USPL1: variants seen among roughly 807,000 people sequenced by gnomAD.
USPL1 encodes ubiquitin specific peptidase like 1.
In USPL1, 27 loss-of-function variants were observed where a neutral mutation model predicts 51.5. That is an observed-to-expected ratio of 0.52 (90% CI 0.39 to 0.72). The LOEUF is 0.72. USPL1 is among the 30% of genes least tolerant of loss of function. The pLI, the probability that USPL1 is intolerant of heterozygous loss-of-function variation, is 0.00. For synonymous variants in USPL1, 451 were observed against 459.6 expected (o/e 0.98, Z 0.24); for missense variants, 1,226 against 1,268.0 (o/e 0.97, Z 0.50).
intron 2 of USPL1, among the ~76,000 whole-genome samples, 177 bp from the exon 3 acceptor site, chr13:30,621,587 A>C (rs1950647451): frequency 6.6e-6 from 1 of 152,110 alleles, no homozygotes; most frequent in Non-Finnish European, 1.5e-5. Flanking sequence ...TTTTTGGAAT[A>C]ATAGCTGTAT....
At chr13:30,633,678 C>T (rs1304939728) in intron 4 of USPL1, among the ~76,000 whole-genome samples, 1 of 148,898 alleles carries the variant, frequency 6.7e-6, no homozygotes, top group South Asian at 2.1e-4. Context: ...GAGGTTGAGG[C>T]AGGAGAATTG....
At position 30,642,586 on chromosome 13, in the gene USPL1, A is replaced by G. The variant is rs757658894; in HGVS notation, c.983-42A>G. 2.0e-5 allele frequency: 31 copies of G among 1,586,116 alleles called. No homozygotes were observed. The South Asian group carries it at 3.0e-4, about 15-fold the overall frequency. Reference sequence around the variant, plus strand: ...TCACAATTTTGGTTTAGTTTTTGCCATTATTGATTATGAGCAGTAATTCTT... The same window carrying G: ...TCACAATTTTGGTTTAGTTTTTGCCGTTATTGATTATGAGCAGTAATTCTT... On this transcript the variant is annotated intron_variant, in intron 5 of 8. Coordinates refer to ENST00000255304, the MANE Select transcript of USPL1 (RefSeq NM_005800.5).
intron 6 of USPL1, among the ~76,000 whole-genome samples, chr13:30,645,100 A>G (rs1171059625): frequency 6.6e-6 from 1 of 152,234 alleles, no homozygotes; most frequent in East Asian, 1.9e-4. Flanking sequence ...GTCAGGAGAC[A>G]CACTTAGGCT....
chr13:30,635,709 T>C (rs912892681), intron 4 of USPL1, among the ~76,000 whole-genome samples: 1 of 152,174 alleles, frequency 6.6e-6, no homozygotes, highest in African/African-American at 2.4e-5. Context: ...GTGCTAAAAA[T>C]TTTGAGTTTG....
chr13:30,642,476 C>G (rs1015505637), intron 5 of USPL1, 152 bp from the exon 6 acceptor site: 3 of 792,304 alleles, frequency 3.8e-6, no homozygotes, highest in Non-Finnish European at 5.5e-6. Context: ...TATAAACTTC[C>G]CCTCTCCCAA....
intron 8 of USPL1, among the ~76,000 whole-genome samples, chr13:30,653,941 T>C (rs1951125530): frequency 6.6e-6 from 1 of 152,176 alleles, no homozygotes; most frequent in South Asian, 2.1e-4. Context: ...TTTTCTGTTA[T>C]TTAGACACTC....
In USPL1 at chr13:30,659,352, AT is replaced by A; in HGVS notation, c.3277del (p.Ter1093GlufsTer24). The A allele has an allele frequency of 1.9e-6, 3 of 1,577,046 alleles. No homozygotes were observed. The highest frequency in any genetic ancestry group is 2.6e-6 in the Non-Finnish European group (3 of 1,164,594). On this transcript the variant is annotated frameshift_variant, in exon 9 of 9. Transcript: ENST00000255304. LOFTEE classifies it high-confidence loss of function. ...TTCGATGAATATCTGTTTGAGAATT[AT>A]TGAATTAATGCTTGTTAACTTTTTT... The part of the protein sequence containing the change: ...PHFDEYLFEN[Y>X]
intron 6 of USPL1, among the ~76,000 whole-genome samples, chr13:30,643,760 C>T (rs1223788230): frequency 6.6e-6 from 1 of 151,674 alleles, no homozygotes; most frequent in Non-Finnish European, 1.5e-5. Context: ...CAGGTGTGTG[C>T]CACCACGCCC....
intron 4 of USPL1, among the ~76,000 whole-genome samples, chr13:30,633,449 A>G (rs1054937743): frequency 7.9e-5 from 12 of 152,122 alleles, no homozygotes; most frequent in African/African-American, 2.2e-4. Flanking sequence ...CTATACATAC[A>G]TAATTATGAT....
At chr13:30,651,451 AGACTT>A (rs1425917620) in intron 7 of USPL1, among the ~76,000 whole-genome samples, 1 of 152,200 alleles carries the variant, frequency 6.6e-6, no homozygotes, top group Non-Finnish European at 1.5e-5. Flanking sequence ...AAAGAATAGA[AGACTT>A]GGAATGTACA....
At chr13:30,655,486 G>A (rs1022504657) in intron 8 of USPL1, among the ~76,000 whole-genome samples, 2 of 152,118 alleles carry the variant, frequency 1.3e-5, no homozygotes, top group African/African-American at 4.8e-5. Context: ...GAAGTCTGGT[G>A]GCAAGTACCC....
intron 8 of USPL1, among the ~76,000 whole-genome samples, chr13:30,655,847 G>C (rs2137722915): frequency 6.6e-6 from 1 of 152,328 alleles, no homozygotes; most frequent in South Asian, 2.1e-4. Flanking sequence ...GATGGTGTTT[G>C]ACATCGTGAT....
intron 5 of USPL1, among the ~76,000 whole-genome samples, chr13:30,639,061 C>T (rs775781713): frequency 4.7e-4 from 71 of 151,512 alleles, no homozygotes; most frequent in Non-Finnish European, 7.5e-4. Context: ...ACTAAAAATA[C>T]AAAAATTAGC....
intron 3 of USPL1, among the ~76,000 whole-genome samples, chr13:30,626,637 C>T (rs538686924): frequency 6.6e-6 from 1 of 152,116 alleles, no homozygotes; most frequent in Non-Finnish European, 1.5e-5. Flanking sequence ...GGAGTTTACT[C>T]TGCTGTAAAT....
Position 30,653,872 on chromosome 13 carries a change from C to T in USPL1, c.1396+567C>T, listed in dbSNP as rs140909298. Among the ~76,000 whole-genome samples, 122 of 152,292 alleles carry T rather than the reference C, an allele frequency of 8.0e-4. 1 individual carries two copies. Among genetic ancestry groups the T allele is most frequent in the African/African-American group, 2.7e-3 (113 of 41,562 alleles). ...GTTCACTTTGTCTTAGACAAGATAA[C>T]TCAATCCCCTTAAAGGGTTGTATCA... On this transcript the variant is annotated intron_variant, in intron 8 of 8. Transcript: ENST00000255304.
At chr13:30,636,097 G>A (rs2137652937) in intron 4 of USPL1, among the ~76,000 whole-genome samples, 1 of 152,118 alleles carries the variant, frequency 6.6e-6, no homozygotes, top group South Asian at 2.1e-4. Flanking sequence ...ACAGTTTTTT[G>A]CAATTTTTAA....
In USPL1 at chr13:30,630,886, T is replaced by G. The variant is rs754356054; in HGVS notation, c.280T>G (p.Leu94Val). 43 of 1,613,448 alleles carry G rather than the reference T, an allele frequency of 2.7e-5. No individual in the cohort carries two copies. Among genetic ancestry groups the G allele is most frequent in the Non-Finnish European group, 2.1e-5 (25 of 1,179,876 alleles). The change falls in exon 4 of 9, where the codon TTG (leucine) becomes GTG (valine). Residue 94 changes from leucine to valine, a missense_variant. Physicochemically the swap from Leu to Val is conservative, Grantham distance 32 (BLOSUM62 1). Transcript: ENST00000255304. ...ACTTAATAACCTAATTTCTCCTGAT[T>G]TGGAAGAATGTCACACTCCACATAA... Reference protein sequence around the residue: ...KSLNNLISPDLEECHTPHKPQ... With the variant: ...KSLNNLISPDVEECHTPHKPQ...
intron 4 of USPL1, among the ~76,000 whole-genome samples, chr13:30,635,163 A>G (rs746496363): frequency 6.6e-6 from 1 of 152,184 alleles, no homozygotes; most frequent in Non-Finnish European, 1.5e-5. Context: ...GTCTTGATTT[A>G]TAGGGAAGTC....
chr13:30,643,280 G>T (rs1401128484), intron 6 of USPL1, among the ~76,000 whole-genome samples: 1 of 152,158 alleles, frequency 6.6e-6, no homozygotes, highest in Admixed American at 6.5e-5. Context: ...CGATGTACCT[G>T]TTACCTTCAG....
Sources: gnomAD v4.1 joint callset for allele counts (sites outside exome capture counted in the v4.1 genomes callset) on GRCh38, gnomAD v4.1.1 for gene constraint, MANE v1.5 for transcripts, NCBI Gene and HGNC (gene_info 2026-07-23, HGNC 2026-07-21) for gene names.